PEX11A: variants seen among roughly 807,000 people sequenced by gnomAD.
PEX11A encodes the protein peroxisomal membrane protein 11A.
In PEX11A, 13 loss-of-function variants were observed where a neutral mutation model predicts 14.4. That is an observed-to-expected ratio of 0.90 (90% confidence interval 0.59 to 1.43). PEX11A has a LOEUF of 1.43. PEX11A is among the 40% of genes most tolerant of loss of function. PEX11A has a pLI of 0.00. For missense variants in PEX11A, 290 were observed against 302.8 expected, an observed-to-expected ratio of 0.96 and a Z score of 0.31; for synonymous variants, 101 against 113.0, an observed-to-expected ratio of 0.89 and a Z score of 0.67.
At chr15:89,685,986 A>G (rs1356230599) in intron 2 of PEX11A, among the ~76,000 whole-genome samples, 6 of 152,192 alleles carry the variant, frequency 3.9e-5, no homozygotes, top group African/African-American at 1.2e-4. Flanking sequence ...ACCTACCTCA[A>G]ACATGGTCTA....
chr15:89,684,343 C>T (rs1274987776), intron 2 of PEX11A, among the ~76,000 whole-genome samples: 1 of 152,224 alleles, frequency 6.6e-6, no homozygotes, highest in East Asian at 1.9e-4. Flanking sequence ...TTTACCTCCT[C>T]CATTGTAATG....
In PEX11A at chr15:89,686,529, C is replaced by A. The variant is rs1220608843; in HGVS notation, c.74G>T (p.Cys25Phe). 15 of 1,547,900 alleles carry A rather than the reference C, an allele frequency of 9.7e-6. No homozygotes were observed. Among genetic ancestry groups the A allele is most frequent in the Non-Finnish European group, 1.1e-5 (12 of 1,120,804 alleles). Residue 25 changes from cysteine (C) to phenylalanine (F), a missense_variant, in exon 2 of 3, where the codon TGC becomes TTC. Physicochemically the swap from Cys to Phe is radical, Grantham distance 205. Coordinates refer to ENST00000300056, the MANE Select transcript of PEX11A (RefSeq NM_003847.3). Reference protein sequence around the residue: ...DRLFRATQYTCMLLRYLLEPK... With the variant: ...DRLFRATQYTFMLLRYLLEPK... ...CTCTAACAAATATCTAAGCAACATG[C>A]ATGTGTACTGAGTGGCTCTGAAATG...
chr15:89,683,973 AAC>A (rs771003606), intron 2 of PEX11A, 25 bp from the exon 3 acceptor site: 1 of 1,483,476 alleles, frequency 6.7e-7, no homozygotes, highest in East Asian at 2.3e-5. Context: ...CACAATAGTG[AAC>A]AGTTATTTCA....
chr15:89,685,428 T>C (rs944212414), intron 2 of PEX11A, among the ~76,000 whole-genome samples: 1 of 151,810 alleles, frequency 6.6e-6, no homozygotes, highest in Non-Finnish European at 1.5e-5. Context: ...ATAATCTAAA[T>C]AGAATTTCTA....
Position 89,683,827 on chromosome 15 carries a change from G to A in PEX11A, c.294C>T (p.Ile98=). 1 of 1,614,114 alleles carries A rather than the reference G, an allele frequency of 6.2e-7. No individual in the cohort carries two copies. The highest frequency in any genetic ancestry group is 8.5e-7 in the Non-Finnish European group (1 of 1,179,942). Residue 98 remains isoleucine, a synonymous_variant, in exon 3 of 3, where the codon ATC becomes ATT. Transcript: ENST00000300056. Reference sequence around the variant, plus strand: ...TCCTCACCCAGAGGATGGTGTCACAGATGAAATAAATCACACGGTTCAGGT... The same window carrying A: ...TCCTCACCCAGAGGATGGTGTCACAAATGAAATAAATCACACGGTTCAGGT... ...LANLNRVIYF[I]CDTILWVRSV...
chr15:89,690,485 G>A (rs999805170), intron 1 of PEX11A, 92 bp downstream of exon 1: 139 of 902,148 alleles, frequency 1.5e-4, no homozygotes, highest in Non-Finnish European at 8.9e-5. Flanking sequence ...CATCTACTAG[G>A]CTATCACCTC....
At position 89,682,613 on chromosome 15, in the gene PEX11A, G is replaced by A. The variant is rs886339160; in HGVS notation, c.*764C>T. The A allele has an allele frequency of 9.9e-5, 15 of 152,254 alleles. No individual in the cohort carries two copies. The highest frequency in any genetic ancestry group is 3.6e-4 in the African/African-American group (15 of 41,456). 9.4% of individuals were successfully genotyped at this position (152,254 alleles called of 1,614,324 possible). On this transcript the variant is annotated 3_prime_UTR_variant, in exon 3 of 3. Transcript: ENST00000300056. ...AATTCTGAAGACAGTGGGAGAGCAT[G>A]GAGAGAACACTGGATTAGGAGTCAG...
Position 89,683,515 on chromosome 15 carries a change from A to G in PEX11A, c.606T>C (p.Leu202=), listed in dbSNP as rs1468748048. Residue 202 remains leucine, a synonymous_variant, in exon 3 of 3, where the codon CTT becomes CTC. Transcript: ENST00000300056. ...GGTCCAAAGGGTTCAGGATATCACA[A>G]AGGTTCTTCACTGTGTCCAGGAGCA... ...PPLLLDTVKN[L]CDILNPLDQL... 1.2e-6 allele frequency: 2 copies of G among 1,614,172 alleles called. No homozygotes were observed. Among genetic ancestry groups the G allele is most frequent in the Non-Finnish European group, 1.7e-6 (2 of 1,179,996 alleles).
intron 2 of PEX11A, among the ~76,000 whole-genome samples, chr15:89,685,016 C>T (rs956019110): frequency 6.6e-6 from 1 of 151,632 alleles, no homozygotes; most frequent in Non-Finnish European, 1.5e-5. Context: ...GTGGTGAAAC[C>T]CCGTCTCTAC....
chr15:89,690,136 A>G (rs1964789155), intron 1 of PEX11A, among the ~76,000 whole-genome samples: 1 of 152,242 alleles, frequency 6.6e-6, no homozygotes, highest in Admixed American at 6.5e-5. Flanking sequence ...AAGAAAAAAA[A>G]AAGAGAGATA....
chr15:89,690,155 C>A (rs1964790541), intron 1 of PEX11A, among the ~76,000 whole-genome samples: 1 of 152,170 alleles, frequency 6.6e-6, no homozygotes, highest in African/African-American at 2.4e-5. Context: ...TATTTGAAGT[C>A]ACACCAAGTG....
intron 2 of PEX11A, among the ~76,000 whole-genome samples, chr15:89,685,203 CA>C (rs869275308): frequency 7.7e-3 from 188 of 24,520 alleles, no homozygotes; most frequent in African/African-American, 0.017. Context: ...GACTCCATCT[CA>C]AAAAAAAAAA....
In PEX11A at chr15:89,690,689, C is replaced by T; in HGVS notation, c.-57G>A. ...GGGCTCAGGCGTGGGTCCTCTGGGG[C>T]CCGTCGGATCCCCAGGGAACGGTCA... On this transcript the variant is annotated 5_prime_UTR_variant, in exon 1 of 3. Transcript: ENST00000300056. 1 of 1,265,718 alleles carries T rather than the reference C, an allele frequency of 7.9e-7. No homozygotes were observed. The highest frequency in any genetic ancestry group is 1.1e-6 in the Non-Finnish European group (1 of 890,886). 78.4% of individuals were successfully genotyped at this position (1,265,718 alleles called of 1,614,324 possible).
intron 2 of PEX11A, among the ~76,000 whole-genome samples, chr15:89,685,324 C>G (rs1964662199): frequency 6.6e-6 from 1 of 151,762 alleles, no homozygotes; most frequent in African/African-American, 2.4e-5. Flanking sequence ...CCAGTTCTGG[C>G]CCTTGCACTA....
rs1964604135 is a variant in PEX11A at position 89,681,783 on chromosome 15, C to A, written c.*1594G>T. 2.5e-6 allele frequency: 1 copy of A among 398,184 alleles called. No individual in the cohort carries two copies. Among genetic ancestry groups the A allele is most frequent in the African/African-American group, 2.0e-5 (1 of 48,988 alleles). The allele number at this position is 398,184 out of a possible 1,614,324, so 24.7% of individuals were successfully genotyped here. ...GACTTATTGAGTACATATTTATTTT[C>A]TCATTTCCATTCAGATAAATGACAC... On this transcript the variant is annotated 3_prime_UTR_variant, in exon 3 of 3. Transcript: ENST00000300056.
intron 1 of PEX11A, 28 bp downstream of exon 1, chr15:89,690,549 G>C (rs1453442936): frequency 6.5e-7 from 1 of 1,540,890 alleles, no homozygotes; most frequent in East Asian, 2.5e-5. Context: ...GGCGAGAAAG[G>C]GGCGGAGGCC....
chr15:89,689,594 G>A (rs566648920), intron 1 of PEX11A, among the ~76,000 whole-genome samples: 8 of 152,056 alleles, frequency 5.3e-5, no homozygotes, highest in Non-Finnish European at 1.0e-4. Flanking sequence ...GTTTCTTATG[G>A]AACCAAAAGA....
In PEX11A at chr15:89,690,558, C is replaced by T. The variant is rs768879552; in HGVS notation, c.56+19G>A. 2 of 1,547,298 alleles carry T rather than the reference C, an allele frequency of 1.3e-6. No individual in the cohort carries two copies. Among genetic ancestry groups the T allele is most frequent in the Non-Finnish European group, 1.7e-6 (2 of 1,143,962 alleles). ...AGTTAGGGCGAGAAAGGGGCGGAGG[C>T]CGCTGGCACCTGACTCACCTGAAGA... On this transcript the variant is annotated intron_variant, in intron 1 of 2. Transcript: ENST00000300056.
intron 1 of PEX11A, among the ~76,000 whole-genome samples, chr15:89,688,607 G>A (rs1252860687): frequency 2.6e-5 from 4 of 152,038 alleles, no homozygotes; most frequent in African/African-American, 9.7e-5. Context: ...TGGCCAGGCT[G>A]GTCCCGAACT....
Sources: gnomAD v4.1 joint callset for allele counts (sites outside exome capture counted in the v4.1 genomes callset) on GRCh38, gnomAD v4.1.1 for gene constraint, MANE v1.5 for transcripts, NCBI Gene and HGNC (gene_info 2026-07-23, HGNC 2026-07-21) for gene names.